Variants in ZNF782 observed in about 807,000 individuals in gnomAD.
ZNF782 encodes the protein zinc finger protein 782.
ZNF782 carries 12 observed loss-of-function variants against 13.0 expected under a neutral mutation model. The observed-to-expected ratio is 0.92, with a 90% CI of 0.59 to 1.50. The LOEUF (loss-of-function observed/expected upper bound fraction) is 1.50. Among genes scored for constraint, ZNF782 ranks in the 40% most tolerant of loss-of-function variants. The pLI is 0.00. For synonymous variants in ZNF782, 284 were observed against 283.0 expected (o/e 1.00, Z -0.04); for missense variants, 770 against 822.9 (o/e 0.94, Z 0.79).
At chr9:96,868,419 T>C (rs1187820682) in intron 1 of ZNF782, among the ~76,000 whole-genome samples, 1 of 152,228 alleles carries the variant, frequency 6.6e-6, no homozygotes, top group Admixed American at 6.5e-5. Context: ...TATACATTCA[T>C]AGGTTTTATT....
chr9:96,888,174 AAG>A, the ZNF782 span: 1 of 132,576 alleles, frequency 7.5e-6, no homozygotes, highest in Non-Finnish European at 1.5e-5. Flanking sequence ...ATAATAAAAA[AAG>A]AAAAAAAAAA....
chr9:96,919,967 T>C, the ZNF782 span, among the ~76,000 whole-genome samples: 27 of 151,748 alleles, frequency 1.8e-4, no homozygotes, highest in Admixed American at 1.8e-3. Flanking sequence ...TATAAGATTA[T>C]TATTCATGGA....
chr9:96,922,221 G>T, the ZNF782 span, among the ~76,000 whole-genome samples: 1 of 151,460 alleles, frequency 6.6e-6, no homozygotes, highest in Non-Finnish European at 1.5e-5. Flanking sequence ...CAACATAATT[G>T]TTACATCATT....
upstream of ZNF782, among the ~76,000 whole-genome samples, chr9:96,875,905 T>C (rs1005773470): frequency 2.0e-5 from 3 of 152,320 alleles, no homozygotes; most frequent in Middle Eastern, 3.4e-3. Context: ...GCAGACGTCA[T>C]CCAGAAGACC....
At chr9:96,879,305 G>A (rs1020497877), upstream of ZNF782, among the ~76,000 whole-genome samples, 5 of 152,028 alleles carry the variant, frequency 3.3e-5, no homozygotes, top group African/African-American at 1.2e-4. Context: ...TGGCTAACAC[G>A]GTGAAACCCT....
the ZNF782 span, among the ~76,000 whole-genome samples, chr9:96,932,983 T>C: frequency 4.9e-3 from 713 of 144,862 alleles, 5 homozygotes; most frequent in African/African-American, 0.016. Flanking sequence ...CTTTTCTTTT[T>C]TTTTTTTTTT....
intron 1 of ZNF782, among the ~76,000 whole-genome samples, chr9:96,853,546 T>C (rs1039483753): frequency 6.6e-6 from 1 of 152,118 alleles, no homozygotes; most frequent in African/African-American, 2.4e-5. Flanking sequence ...TACATCAGAC[T>C]TAAAAGAGAG....
rs73538621 is a variant in ZNF782, at chr9:96,826,747, C to G, written c.244+333G>C. Among the ~76,000 whole-genome samples the G allele has an allele frequency of 1.3e-3, 205 of 152,234 alleles. 2 individuals carry two copies. The highest frequency in any genetic ancestry group is 4.6e-3 in the African/African-American group (192 of 41,550). On this transcript the variant is annotated intron_variant, in intron 5 of 5. Transcript: ENST00000481138. Reference sequence around the variant, plus strand: ...GATAGGGAACACCAGTTTTCCATCTCACAGTCTGTAATTTTGGCAGATGCT... The same window carrying G: ...GATAGGGAACACCAGTTTTCCATCTGACAGTCTGTAATTTTGGCAGATGCT...
At chr9:96,900,763 A>G in the ZNF782 span, among the ~76,000 whole-genome samples, 1 of 152,172 alleles carries the variant, frequency 6.6e-6, no homozygotes, top group Non-Finnish European at 1.5e-5. Flanking sequence ...AACAAAACAA[A>G]CACTGCAGTA....
chr9:96,852,279 C>A (rs753063130), intron 2 of ZNF782, among the ~76,000 whole-genome samples: 2 of 152,164 alleles, frequency 1.3e-5, no homozygotes, highest in Non-Finnish European at 2.9e-5. Flanking sequence ...AACACACACA[C>A]AAAAATAAAG....
In ZNF782 at chr9:96,850,777, G is replaced by A. The variant is rs1176679227; in HGVS notation, c.15+1170C>T. Reference sequence around the variant, plus strand: ...TGTCTTGACTTCTTTTAGACCCTGGGTAGTAAAATACATAAAATAAAATGT... The same window carrying A: ...TGTCTTGACTTCTTTTAGACCCTGGATAGTAAAATACATAAAATAAAATGT... On this transcript the variant is annotated intron_variant, in intron 3 of 5. Transcript: ENST00000481138. This position sits in a 1 kb window ranked among gnomAD's most constrained non-coding sequence, Gnocchi z 4.3. 6.6e-6 allele frequency among the ~76,000 whole-genome samples: 1 copy of A among 152,080 alleles called. No individual in the cohort carries two copies. The highest frequency in any genetic ancestry group is 1.5e-5 in the Non-Finnish European group (1 of 68,012).
chr9:96,873,166 T>G (rs1166780834), intron 1 of ZNF782, among the ~76,000 whole-genome samples: 1 of 152,232 alleles, frequency 6.6e-6, no homozygotes, highest in Non-Finnish European at 1.5e-5. Flanking sequence ...TTTCATCTAC[T>G]TTAATTCTTT....
intron 3 of ZNF782, among the ~76,000 whole-genome samples, chr9:96,849,695 A>G (rs1851436664): frequency 6.6e-6 from 1 of 152,198 alleles, no homozygotes; most frequent in African/African-American, 2.4e-5. Context: ...AAGCTTCTAC[A>G]CAGCAAAAGA....
chr9:96,834,670 C>T (rs995848259), intron 4 of ZNF782, among the ~76,000 whole-genome samples: 10 of 152,174 alleles, frequency 6.6e-5, no homozygotes, highest in Non-Finnish European at 1.5e-5. Context: ...TTCCCAGCCA[C>T]CAGAATTGTG....
chr9:96,907,174 T>C, the ZNF782 span, among the ~76,000 whole-genome samples: 1 of 151,892 alleles, frequency 6.6e-6, no homozygotes, highest in South Asian at 2.1e-4. Flanking sequence ...CGAGAGAATA[T>C]TATTCAGTGT....
chr9:96,868,911 G>A (rs1258035894), intron 1 of ZNF782, among the ~76,000 whole-genome samples: 1 of 152,118 alleles, frequency 6.6e-6, no homozygotes, highest in Non-Finnish European at 1.5e-5. Flanking sequence ...CTTGAGTTGG[G>A]AAACCAGTTC....
chr9:96,911,538 T>TTTTTTTAG, the ZNF782 span, among the ~76,000 whole-genome samples: 1 of 146,642 alleles, frequency 6.8e-6, no homozygotes, highest in East Asian at 2.0e-4. Context: ...TTTTTTTTTT[T>TTTTTTTAG]GAGAGTTAGT....
chr9:96,901,734 G>A, the ZNF782 span, among the ~76,000 whole-genome samples: 1 of 151,410 alleles, frequency 6.6e-6, no homozygotes, highest in African/African-American at 2.4e-5. Context: ...TTAGCTGGGC[G>A]TGGGGCATGG....
the ZNF782 span, among the ~76,000 whole-genome samples, chr9:96,901,723 A>T: frequency 6.6e-6 from 1 of 151,522 alleles, no homozygotes; most frequent in Non-Finnish European, 1.5e-5. Context: ...AAATACAAAA[A>T]TTAGCTGGGC....
Sources: allele counts gnomAD v4.1 joint callset (sites outside exome capture counted in the v4.1 genomes callset), GRCh38; gene constraint gnomAD v4.1.1; non-coding constraint Gnocchi (gnomAD v3.1); transcripts MANE v1.5; gene names NCBI Gene and HGNC (gene_info 2026-07-23, HGNC 2026-07-21).